TRAK1: variants seen among roughly 807,000 people sequenced by gnomAD.
The protein encoded by TRAK1 is trafficking kinesin protein 1, also known as trafficking kinesin-binding protein 1.
TRAK1 carries 33 observed loss-of-function variants against 92.1 expected under a neutral mutation model. The observed-to-expected ratio is 0.36, with a 90% CI of 0.27 to 0.48. TRAK1 has a LOEUF of 0.48. Among genes scored for constraint, TRAK1 ranks in the 20% least tolerant of loss-of-function variants. The probability of loss-of-function intolerance (pLI) is 0.99; values close to 1 mark genes in which losing one functional copy is unlikely to be tolerated. For synonymous variants in TRAK1, 521 were observed against 517.3 expected, an observed-to-expected ratio of 1.01 and a Z score of -0.10; for missense variants, 1,123 against 1,257.9, an observed-to-expected ratio of 0.89 and a Z score of 1.62.
chr3:42,217,048 C>T (rs1481898995), intron 14 of TRAK1, among the ~76,000 whole-genome samples: 1 of 151,960 alleles, frequency 6.6e-6, no homozygotes, highest in African/African-American at 2.4e-5. Flanking sequence ...CCTCACCCAA[C>T]CCCCCTATTT....
At chr3:42,197,791 C>A (rs1015671088) in intron 10 of TRAK1, among the ~76,000 whole-genome samples, 2 of 152,184 alleles carry the variant, frequency 1.3e-5, no homozygotes, top group African/African-American at 2.4e-5. Context: ...GTGGAGTCTC[C>A]CCGCTTGGTT....
At chr3:42,057,356 A>C (rs1703242805) in intron 1 of TRAK1, among the ~76,000 whole-genome samples, 1 of 152,182 alleles carries the variant, frequency 6.6e-6, no homozygotes, top group South Asian at 2.1e-4. Context: ...GGAAGGAATG[A>C]AGGGTGAATG....
chr3:42,055,267 A>C (rs770349451), intron 1 of TRAK1, among the ~76,000 whole-genome samples: 11 of 152,150 alleles, frequency 7.2e-5, no homozygotes, highest in Non-Finnish European at 1.6e-4. Flanking sequence ...CAAGGATACA[A>C]AATAGTTCTG....
At chr3:42,161,577 G>A (rs1271104351) in intron 2 of TRAK1, among the ~76,000 whole-genome samples, 1 of 152,066 alleles carries the variant, frequency 6.6e-6, no homozygotes, top group East Asian at 1.9e-4. Flanking sequence ...GTAGAGACAG[G>A]ATCTCACTAA....
At chr3:42,179,582 A>G (rs1031687589) in intron 3 of TRAK1, among the ~76,000 whole-genome samples, 5 of 152,198 alleles carry the variant, frequency 3.3e-5, no homozygotes, top group African/African-American at 9.6e-5. Flanking sequence ...AAATTGGTGA[A>G]TGAGATGAGT....
intron 2 of TRAK1, chr3:42,160,547 T>G: frequency 6.8e-7 from 1 of 1,470,980 alleles, no homozygotes; most frequent in Non-Finnish European, 9.2e-7. Context: ...TTTTGCTGAT[T>G]TCATAGCACT....
chr3:42,068,785 A>G (rs1703787329), intron 1 of TRAK1, among the ~76,000 whole-genome samples: 1 of 152,176 alleles, frequency 6.6e-6, no homozygotes. Context: ...TTGAACATTA[A>G]CTGTATGCTT....
At chr3:42,021,161 G>T (rs148059500) in intron 1 of TRAK1, among the ~76,000 whole-genome samples, 1 of 152,326 alleles carries the variant, frequency 6.6e-6, no homozygotes, top group East Asian at 1.9e-4. Flanking sequence ...AATTTGTTAT[G>T]TGTATGACTC....
intron 1 of TRAK1, among the ~76,000 whole-genome samples, chr3:42,108,214 G>T (rs1321517803): frequency 6.6e-6 from 1 of 152,068 alleles, no homozygotes; most frequent in East Asian, 1.9e-4. Flanking sequence ...ATGCAGGCTG[G>T]GGGCAGTGGC....
intron 3 of TRAK1, among the ~76,000 whole-genome samples, chr3:42,182,180 A>C (rs969480728): frequency 6.6e-6 from 1 of 152,004 alleles, no homozygotes; most frequent in African/African-American, 2.4e-5. Context: ...GGGCAGATGC[A>C]CCGTGTCCCC....
intron 14 of TRAK1, chr3:42,212,231 G>A (rs979497294): frequency 2.8e-5 from 28 of 985,410 alleles, no homozygotes; most frequent in East Asian, 1.1e-4. Flanking sequence ...CTTGGGATTT[G>A]TATCCATGGT....
intron 3 of TRAK1, 115 bp downstream of exon 3, chr3:42,177,005 T>G: frequency 1.1e-6 from 1 of 930,582 alleles, no homozygotes; most frequent in Admixed American, 2.0e-5. Context: ...AATTGGTCTC[T>G]TTCGAGGTAT....
At chr3:42,222,454 G>C (rs979163656) in intron 15 of TRAK1, among the ~76,000 whole-genome samples, 6 of 152,178 alleles carry the variant, frequency 3.9e-5, no homozygotes, top group African/African-American at 1.4e-4. Flanking sequence ...CTAAGATAAG[G>C]AGTATCTCAT....
intron 1 of TRAK1, among the ~76,000 whole-genome samples, chr3:42,055,789 CT>C: frequency 6.6e-6 from 1 of 152,202 alleles, no homozygotes; most frequent in East Asian, 1.9e-4. Context: ...AGAACACTTT[CT>C]TCACCCGCAA....
chr3:42,106,321 G>A (rs1707562628), intron 1 of TRAK1, among the ~76,000 whole-genome samples: 1 of 152,060 alleles, frequency 6.6e-6, no homozygotes, highest in Non-Finnish European at 1.5e-5. Context: ...AAGGATGGAG[G>A]AAGATCTACC....
At chr3:42,221,716 G>A (rs184369879) in intron 15 of TRAK1, 33 of 152,316 alleles carry the variant, frequency 2.2e-4, no homozygotes, top group African/African-American at 7.0e-4. Flanking sequence ...CATGTCCCAC[G>A]AGACTGTTAG....
rs562910054 is a variant in TRAK1 at position 42,168,099 on chromosome 3, GC to G, written c.287-8714del. ...CAAAGTCAAATTCTTCTCAGTTATG[GC>G]TGTATCATGAAATTATTTCTGTGAT... is the stretch of plus-strand genomic sequence containing the variant. On this transcript the variant is annotated intron_variant, in intron 2 of 15. Transcript: ENST00000327628. Among the ~76,000 whole-genome samples, 343 of 152,290 alleles carry G rather than the reference GC, an allele frequency of 2.3e-3. 3 individuals carry two copies. Among genetic ancestry groups the G allele is most frequent in the Non-Finnish European group, 1.7e-3 (113 of 68,030 alleles).
At chr3:42,126,833 G>A (rs1040590095) in intron 2 of TRAK1, among the ~76,000 whole-genome samples, 1 of 152,054 alleles carries the variant, frequency 6.6e-6, no homozygotes, top group Non-Finnish European at 1.5e-5. Context: ...GTGTATCTAG[G>A]GATGTTTTCA....
intron 3 of TRAK1, among the ~76,000 whole-genome samples, chr3:42,182,094 C>A (rs1466597452): frequency 6.6e-6 from 1 of 151,700 alleles, no homozygotes; most frequent in South Asian, 2.1e-4. Flanking sequence ...TGAGCCACTG[C>A]ACCCGGCCAA....
Sources: allele counts gnomAD v4.1 joint callset (sites outside exome capture counted in the v4.1 genomes callset), GRCh38; gene constraint gnomAD v4.1.1; transcripts MANE v1.5; gene names NCBI Gene and HGNC (gene_info 2026-07-23, HGNC 2026-07-21).